MAEL: variants seen among roughly 807,000 people sequenced by gnomAD.
MAEL encodes the protein maelstrom spermatogenic transposon silencer.
In MAEL, 46 loss-of-function variants were observed where a neutral mutation model predicts 62.0. The observed-to-expected ratio is 0.74, with a 90% CI of 0.59 to 0.95. The LOEUF (loss-of-function observed/expected upper bound fraction) is 0.95. MAEL is among the 40% of genes least tolerant of loss of function. The probability of loss-of-function intolerance (pLI) is 0.00; values close to 1 mark genes in which losing one functional copy is unlikely to be tolerated. For missense variants in MAEL, 497 were observed against 526.8 expected (o/e 0.94, Z 0.55); for synonymous variants, 172 against 175.5 (o/e 0.98, Z 0.16).
At position 167,017,851 on chromosome 1, in the gene MAEL, C is replaced by T; in HGVS notation, c.933C>T (p.Ala311=). ...GGTACTGCATCAGTAATTCTCTGGCCACTCTCTTTGGAATCCAGCTCACAG... is the reference window on the plus strand; with the variant it reads ...GGTACTGCATCAGTAATTCTCTGGCTACTCTCTTTGGAATCCAGCTCACAG... ...KIAYCISNSL[A]TLFGIQLTEA... The change falls in exon 10 of 12, where the codon GCC becomes GCT. Residue 311 remains alanine (A), a synonymous_variant. Transcript: ENST00000367872. 3 of 1,611,442 alleles carry T rather than the reference C, an allele frequency of 1.9e-6. No individual in the cohort carries two copies. The highest frequency in any genetic ancestry group is 8.5e-7 in the Non-Finnish European group (1 of 1,178,522).
In MAEL at chr1:166,992,722, T is replaced by G; in HGVS notation, c.362T>G (p.Phe121Cys). The part of the protein sequence containing the change: ...LGGIFYFLNI[F>C]SHGELPPHCE... ...GGCATTTTTTATTTTTTGAACATTT[T>G]TAGCCATGGCGAGCTACCTCCTCAT... is the stretch of plus-strand genomic sequence containing the variant. Residue 121 changes from phenylalanine to cysteine, a missense_variant, in exon 4 of 12, where the codon TTT (phenylalanine) becomes TGT (cysteine). Coordinates refer to ENST00000367872, the MANE Select transcript of MAEL (RefSeq NM_032858.3). The G allele has an allele frequency of 6.2e-7, 1 of 1,603,190 alleles. No homozygotes were observed. The highest frequency in any genetic ancestry group is 8.5e-7 in the Non-Finnish European group (1 of 1,176,840).
chr1:166,999,246 A>G (rs1387034684), intron 5 of MAEL, among the ~76,000 whole-genome samples: 3 of 152,222 alleles, frequency 2.0e-5, no homozygotes, highest in Non-Finnish European at 4.4e-5. Context: ...GTGCCAAATG[A>G]CCAAGTTGTG....
chr1:166,984,949 T>C (rs6660048), upstream of MAEL, among the ~76,000 whole-genome samples: 26,587 of 152,130 alleles, frequency 0.17, 2,466 homozygotes, highest in East Asian at 0.24. Context: ...TGTTAAACTA[T>C]GAAAAAGCCA....
At chr1:166,993,341 A>G (rs1664272760) in intron 4 of MAEL, among the ~76,000 whole-genome samples, 1 of 151,626 alleles carries the variant, frequency 6.6e-6, no homozygotes, top group Non-Finnish European at 1.5e-5. Context: ...CTAATACTTA[A>G]TCAGCTCTCA....
At chr1:167,016,353 G>A in intron 9 of MAEL, 69 bp downstream of exon 9, 2 of 1,484,886 alleles carry the variant, frequency 1.3e-6, no homozygotes, top group Non-Finnish European at 1.9e-6. Flanking sequence ...CGTTTTGCTT[G>A]CTATAGCTTT....
intron 8 of MAEL, 44 bp from the exon 9 acceptor site, chr1:167,016,178 A>G (rs780600551): frequency 6.6e-7 from 1 of 1,518,396 alleles, no homozygotes; most frequent in South Asian, 1.1e-5. Context: ...ACCTTTAAGC[A>G]GTGCTACTTC....
chr1:166,997,439 T>C (rs913771437), intron 5 of MAEL, among the ~76,000 whole-genome samples: 26 of 152,370 alleles, frequency 1.7e-4, no homozygotes, highest in Non-Finnish European at 3.4e-4. Flanking sequence ...TGCTGATGGA[T>C]TTTTAAAAAT....
At chr1:167,004,156 ACTT>A (rs1664789472) in intron 5 of MAEL, 21 bp from the exon 6 acceptor site, 6 of 1,594,966 alleles carry the variant, frequency 3.8e-6, no homozygotes, top group Non-Finnish European at 5.1e-6. Context: ...CAAAGTTTGA[ACTT>A]CTCCTTTTTA....
chr1:166,976,229 G>T (rs1571227487), intron 1 of MAEL, among the ~76,000 whole-genome samples: 1 of 152,290 alleles, frequency 6.6e-6, no homozygotes, highest in African/African-American at 2.4e-5. Context: ...CATTCACATG[G>T]ATTATTCCTA....
chr1:167,008,975 A>G (rs977475631), intron 8 of MAEL, among the ~76,000 whole-genome samples: 1 of 151,878 alleles, frequency 6.6e-6, no homozygotes. Context: ...TATATAATCA[A>G]TTTTTGTGAC....
At chr1:166,989,687 A>G (rs965681067) in intron 1 of MAEL, 50 bp from the exon 2 acceptor site, 10 of 1,576,172 alleles carry the variant, frequency 6.3e-6, no homozygotes, top group Non-Finnish European at 4.3e-6. Flanking sequence ...GCCCTAGAGC[A>G]CGGGATCCTC....
chr1:166,985,333 A>C (rs991582990), upstream of MAEL, among the ~76,000 whole-genome samples: 10 of 152,224 alleles, frequency 6.6e-5, no homozygotes, highest in African/African-American at 2.2e-4. Flanking sequence ...ACCAAAAAAA[A>C]GGCTCTGGAG....
In MAEL at chr1:166,992,832, A is replaced by C; in HGVS notation, c.472A>C (p.Ile158Leu). Residue 158 changes from isoleucine to leucine, a missense_variant, in exon 4 of 12, where the codon ATA becomes CTA. Ile to Leu is a conservative substitution (Grantham distance 5, BLOSUM62 2). Transcript: ENST00000367872. ...EGIMADFHSF[I>L]NPGEIPRGFR... ...TATTATGGCAGATTTCCACAGTTTT[A>C]TAAATCCTGGTAAGTAGTCAGAGTA... 1.3e-6 allele frequency: 2 copies of C among 1,593,916 alleles called. No individual in the cohort carries two copies. The highest frequency in any genetic ancestry group is 1.7e-6 in the Non-Finnish European group (2 of 1,173,986).
At chr1:167,009,731 T>C (rs1665084122) in intron 8 of MAEL, among the ~76,000 whole-genome samples, 1 of 152,104 alleles carries the variant, frequency 6.6e-6, no homozygotes, top group African/African-American at 2.4e-5. Context: ...CTTTTTACTT[T>C]GTTTATTCTC....
chr1:167,005,835 CT>C (rs1272269639), intron 8 of MAEL: 1 of 152,404 alleles, frequency 6.6e-6, no homozygotes, highest in African/African-American at 2.4e-5. Context: ...AATACATTTT[CT>C]TTATAATTTT....
At chr1:167,015,366 C>T (rs1183497172) in intron 8 of MAEL, among the ~76,000 whole-genome samples, 1 of 152,110 alleles carries the variant, frequency 6.6e-6, no homozygotes, top group African/African-American at 2.4e-5. Context: ...TTTAAGTAGT[C>T]TTCCATTCAT....
At chr1:166,996,342 C>T (rs1456153136) in intron 5 of MAEL, among the ~76,000 whole-genome samples, 2 of 152,176 alleles carry the variant, frequency 1.3e-5, no homozygotes, top group East Asian at 3.9e-4. Flanking sequence ...TATAGGAGGT[C>T]CTGGTGCTTC....
chr1:166,984,377 T>C (rs1253497374), upstream of MAEL, among the ~76,000 whole-genome samples: 1 of 152,156 alleles, frequency 6.6e-6, no homozygotes, highest in Non-Finnish European at 1.5e-5. Context: ...ACATGACATG[T>C]TTTTTAAAAA....
chr1:166,982,537 A>G (rs1663788699), intron 1 of MAEL, among the ~76,000 whole-genome samples: 1 of 152,186 alleles, frequency 6.6e-6, no homozygotes, highest in Admixed American at 6.5e-5. Flanking sequence ...ACGCTGAATA[A>G]TGTTGGCCTT....
Sources: allele counts gnomAD v4.1 joint callset (sites outside exome capture counted in the v4.1 genomes callset), GRCh38; gene constraint gnomAD v4.1.1; transcripts MANE v1.5; gene names NCBI Gene and HGNC (gene_info 2026-07-23, HGNC 2026-07-21).